The following NMD3 variants were observed in gnomAD, a reference collection of about 807,000 sequenced individuals.
NMD3 encodes 60S ribosomal export protein NMD3.
NMD3 carries 47 observed loss-of-function variants against 73.1 expected under a neutral mutation model. That is an observed-to-expected ratio of 0.64 (90% CI 0.51 to 0.82). The LOEUF (loss-of-function observed/expected upper bound fraction) is 0.82, where lower values mean the gene tolerates loss of function less well. NMD3 is among the 40% of genes least tolerant of loss of function. NMD3 has a pLI of 0.00. For synonymous variants in NMD3, 210 were observed against 194.5 expected, an observed-to-expected ratio of 1.08 and a Z score of -0.66; for missense variants, 554 against 612.5, an observed-to-expected ratio of 0.90 and a Z score of 1.01.
intron 6 of NMD3, 98 bp from the exon 7 acceptor site, chr3:161,235,024 A>G (rs1474978069): frequency 1.9e-5 from 17 of 910,882 alleles, no homozygotes; most frequent in Non-Finnish European, 2.7e-5. Flanking sequence ...TTATTGTTTG[A>G]AAAATCAGTA....
chr3:161,245,639 A>T (rs1301074901), intron 11 of NMD3, among the ~76,000 whole-genome samples: 3 of 151,358 alleles, frequency 2.0e-5, no homozygotes, highest in African/African-American at 7.3e-5. Context: ...AACTCTTAGT[A>T]TTTTTCTCTC....
chr3:161,249,056 TTA>T (rs1478209373), intron 13 of NMD3, among the ~76,000 whole-genome samples: 4 of 152,206 alleles, frequency 2.6e-5, no homozygotes, highest in Non-Finnish European at 1.5e-5. Flanking sequence ...GTTGTGAAAG[TTA>T]TATATAGTTC....
At chr3:161,236,762 A>C (rs1447824749) in intron 7 of NMD3, among the ~76,000 whole-genome samples, 1 of 152,150 alleles carries the variant, frequency 6.6e-6, no homozygotes, top group African/African-American at 2.4e-5. Flanking sequence ...ATAAGTGTCT[A>C]AATTCATATT....
intron 2 of NMD3, 143 bp from the exon 3 acceptor site, chr3:161,224,787 G>C (rs1387788220): frequency 2.7e-6 from 2 of 750,182 alleles, no homozygotes; most frequent in Non-Finnish European, 2.1e-6. Context: ...GGCTGGCCCA[G>C]GTTGCTTTGT....
chr3:161,234,611 G>A (rs1736671947), intron 5 of NMD3, 116 bp from the exon 6 acceptor site: 1 of 737,228 alleles, frequency 1.4e-6, no homozygotes, highest in East Asian at 2.9e-5. Flanking sequence ...TTTGATTGAT[G>A]TCCTCAAAGC....
chr3:161,229,170 G>T (rs1386677231), intron 4 of NMD3, among the ~76,000 whole-genome samples: 1 of 152,196 alleles, frequency 6.6e-6, no homozygotes, highest in African/African-American at 2.4e-5. Context: ...GGCCTTGTAG[G>T]CCCTTATAGG....
chr3:161,240,273 CAT>C (rs1269316678), intron 9 of NMD3, among the ~76,000 whole-genome samples: 3 of 152,058 alleles, frequency 2.0e-5, no homozygotes, highest in African/African-American at 7.2e-5. Flanking sequence ...TAAATGTAGA[CAT>C]GTGACTTTTT....
Position 161,231,490 on chromosome 3 carries a change from T to C in NMD3, c.277-1909T>C, listed in dbSNP as rs1188167537. On this transcript the variant is annotated intron_variant, in intron 4 of 15. Coordinates refer to ENST00000351193, the MANE Select transcript of NMD3 (RefSeq NM_015938.5). Reference sequence around the variant, plus strand: ...TATTGAAATCGCTAGGTATTAATATTGTTGGAAAGTGTGATGGTGAGCCAG... The same window carrying C: ...TATTGAAATCGCTAGGTATTAATATCGTTGGAAAGTGTGATGGTGAGCCAG... Among the ~76,000 whole-genome samples, 3 of 152,176 alleles carry C rather than the reference T, an allele frequency of 2.0e-5. No individual in the cohort carries two copies. In the East Asian group the frequency reaches 5.8e-4, roughly 29 times the overall value.
At chr3:161,237,646 T>A (rs1210836148) in intron 7 of NMD3, among the ~76,000 whole-genome samples, 1 of 151,638 alleles carries the variant, frequency 6.6e-6, no homozygotes, top group Non-Finnish European at 1.5e-5. Flanking sequence ...TTCAAGCGAT[T>A]CTCCTGCCTC....
rs762754250 is a variant in NMD3, at chr3:161,250,900, T to C, written c.1502T>C (p.Met501Thr). 12 of 1,611,832 alleles carry C rather than the reference T, an allele frequency of 7.4e-6. No individual in the cohort carries two copies. Among genetic ancestry groups the C allele is most frequent in the Non-Finnish European group, 2.5e-6 (3 of 1,178,508 alleles). ...QDATGEEGAS[M>T]LT ...GCCACTGGTGAAGAAGGTGCATCAATGCTGACATAATGAGATGTTGTAGAC... is the reference window on the plus strand; with the variant it reads ...GCCACTGGTGAAGAAGGTGCATCAACGCTGACATAATGAGATGTTGTAGAC... The change falls in exon 16 of 16, where the codon ATG (methionine) becomes ACG (threonine). Residue 501 changes from methionine to threonine, a missense_variant. By Grantham distance (81) the Met-to-Thr change is moderately conservative. Transcript: ENST00000351193.
rs755836929 is a variant in NMD3 at position 161,250,808 on chromosome 3, C to T, written c.1410C>T (p.Thr470=). 7.5e-6 allele frequency: 12 copies of T among 1,609,456 alleles called. No individual in the cohort carries two copies. The highest frequency in any genetic ancestry group is 1.6e-4 in the Middle Eastern group (1 of 6,064). ...RDSAIPVESD[T]DDEGAPRISL... The stretch of plus-strand genomic sequence containing the variant: ...CAGCCATCCCTGTGGAAAGTGACAC[C>T]GATGATGAAGGAGCACCTCGAATTA... Residue 470 remains threonine (T), a synonymous_variant, in exon 16 of 16, where the codon ACC becomes ACT. Transcript: ENST00000351193.
intron 14 of NMD3, 79 bp from the exon 15 acceptor site, chr3:161,250,177 G>T (rs1737424600): frequency 1.3e-6 from 1 of 774,364 alleles, no homozygotes; most frequent in Non-Finnish European, 2.2e-6. Context: ...TGTCTACATA[G>T]TCCTTAAAAT....
intron 9 of NMD3, among the ~76,000 whole-genome samples, chr3:161,240,687 G>A (rs2108092427): frequency 7.1e-6 from 1 of 141,410 alleles, no homozygotes; most frequent in Middle Eastern, 3.8e-3. Flanking sequence ...ACCACGTTTG[G>A]CTAATTAAAA....
intron 2 of NMD3, chr3:161,223,232 A>G (rs1736179515): frequency 6.6e-6 from 1 of 152,244 alleles, no homozygotes; most frequent in African/African-American, 2.4e-5. Context: ...ATGGAATAAA[A>G]TTAAATACTT....
chr3:161,234,261 C>T (rs913970634), intron 5 of NMD3, among the ~76,000 whole-genome samples: 10 of 151,588 alleles, frequency 6.6e-5, no homozygotes, highest in Non-Finnish European at 1.5e-4. Context: ...CCCTGGAGTT[C>T]GAGACCCCAT....
At chr3:161,233,610 CT>C (rs1736626712) in intron 5 of NMD3, 131 bp downstream of exon 5, 2 of 526,950 alleles carry the variant, frequency 3.8e-6, no homozygotes, top group Non-Finnish European at 6.7e-6. Flanking sequence ...TGTTTGTTTT[CT>C]TTTGAGCATC....
intron 11 of NMD3, among the ~76,000 whole-genome samples, chr3:161,244,273 G>A (rs1737105347): frequency 6.6e-6 from 1 of 152,086 alleles, no homozygotes; most frequent in Non-Finnish European, 1.5e-5. Flanking sequence ...GGGACCACAA[G>A]TATGTGCCAC....
intron 5 of NMD3, among the ~76,000 whole-genome samples, chr3:161,234,488 C>A (rs1247494924): frequency 6.6e-6 from 1 of 150,932 alleles, no homozygotes. Flanking sequence ...TTCTCACAAC[C>A]ACTTCAGCTA....
At chr3:161,222,957 C>T (rs1050879702) in intron 2 of NMD3, 1 of 152,182 alleles carries the variant, frequency 6.6e-6, no homozygotes, top group African/African-American at 2.4e-5. Context: ...CTGAAAATGT[C>T]TTTGGAGCTC....
Sources: gnomAD v4.1 joint callset for allele counts (sites outside exome capture counted in the v4.1 genomes callset) on GRCh38, gnomAD v4.1.1 for gene constraint, MANE v1.5 for transcripts, NCBI Gene and HGNC (gene_info 2026-07-23, HGNC 2026-07-21) for gene names.